The following GABRB1 variants were observed in gnomAD, a reference collection of about 807,000 sequenced individuals.
GABRB1 encodes gamma-aminobutyric acid type A receptor subunit beta1.
Under a neutral mutation model 51.6 loss-of-function variants are expected in GABRB1, and 17 were observed. The observed-to-expected ratio is 0.33, with a 90% CI of 0.23 to 0.49. The LOEUF (loss-of-function observed/expected upper bound fraction) is 0.49. Ranked by LOEUF, GABRB1 falls within the 20% of genes least tolerant of loss-of-function variation. The probability of loss-of-function intolerance (pLI) is 0.99; values close to 1 mark genes in which losing one functional copy is unlikely to be tolerated. For missense variants in GABRB1, 410 were observed against 600.6 expected, an observed-to-expected ratio of 0.68 and a Z score of 3.32; for synonymous variants, 247 against 218.9, an observed-to-expected ratio of 1.13 and a Z score of -1.14.
chr4:47,054,408 C>CT (rs1309341986), intron 3 of GABRB1, among the ~76,000 whole-genome samples: 2 of 152,120 alleles, frequency 1.3e-5, no homozygotes, highest in Non-Finnish European at 2.9e-5. Context: ...AGACTCACTT[C>CT]TTTTTTTCAT....
chr4:47,041,423 C>T (rs995088868), intron 3 of GABRB1, among the ~76,000 whole-genome samples: 1 of 151,804 alleles, frequency 6.6e-6, no homozygotes, highest in African/African-American at 2.4e-5. Flanking sequence ...TAGAAGAGGG[C>T]CCTTAGGTAG....
rs147147090 is a variant in GABRB1 at position 47,199,458 on chromosome 4, T to C, written c.461+37989T>C. Among the ~76,000 whole-genome samples the C allele has an allele frequency of 2.8e-3, 424 of 152,246 alleles. 3 individuals are homozygous for C. Among genetic ancestry groups the C allele is most frequent in the African/African-American group, 9.2e-3 (381 of 41,560 alleles). On this transcript the variant is annotated intron_variant, in intron 4 of 8. Transcript: ENST00000295454. ...TGGGATTTTTCAGGAAAAATCCCTG[T>C]GTAGGAGCCTCTTGTCTAACAGAGT... is the stretch of plus-strand genomic sequence containing the variant.
intron 1 of GABRB1, among the ~76,000 whole-genome samples, chr4:47,011,303 TC>T (rs1724576233): frequency 6.6e-6 from 1 of 152,056 alleles, no homozygotes; most frequent in Non-Finnish European, 1.5e-5. Flanking sequence ...AGACCTGTGA[TC>T]CCACTCAGGA....
chr4:47,138,364 G>T (rs1716767140), intron 3 of GABRB1, among the ~76,000 whole-genome samples: 1 of 151,980 alleles, frequency 6.6e-6, no homozygotes, highest in Admixed American at 6.6e-5. Flanking sequence ...TATTTGTCCA[G>T]AACCCCTTGT....
At chr4:47,340,068 AAGAAAAC>A (rs1725829931) in intron 5 of GABRB1, among the ~76,000 whole-genome samples, 1 of 152,186 alleles carries the variant, frequency 6.6e-6, no homozygotes, top group African/African-American at 2.4e-5. Context: ...AGGTCTTGTC[AAGAAAAC>A]AGAAGAGTCA....
chr4:47,043,759 G>A (rs1413965208), intron 3 of GABRB1, among the ~76,000 whole-genome samples: 6 of 152,040 alleles, frequency 3.9e-5, no homozygotes, highest in Non-Finnish European at 7.4e-5. Flanking sequence ...CTGCAGAAGG[G>A]GGTTTCAGAA....
At chr4:47,177,838 G>A (rs1168727051) in intron 4 of GABRB1, among the ~76,000 whole-genome samples, 1 of 111,178 alleles carries the variant, frequency 9.0e-6, no homozygotes, top group Non-Finnish European at 1.9e-5. Flanking sequence ...TTTTTTTCAT[G>A]TTTCTGTTTG....
At chr4:47,150,602 TA>T in intron 3 of GABRB1, among the ~76,000 whole-genome samples, 1 of 146,834 alleles carries the variant, frequency 6.8e-6, no homozygotes, top group East Asian at 2.1e-4. Context: ...ATTACAGAAA[TA>T]AATATATACT....
At chr4:47,033,046 G>A (rs1023774319) in intron 3 of GABRB1, 4 of 271,312 alleles carry the variant, frequency 1.5e-5, no homozygotes, top group Admixed American at 4.5e-5. Context: ...TTTGCTAGTA[G>A]GAAAAGTGCC....
intron 3 of GABRB1, among the ~76,000 whole-genome samples, chr4:47,045,536 A>G (rs1008863169): frequency 2.0e-5 from 3 of 151,890 alleles, no homozygotes; most frequent in Non-Finnish European, 4.4e-5. Flanking sequence ...GAAAGCTTAT[A>G]AACAAGAGAC....
chr4:47,110,236 C>T lies in GABRB1; in HGVS notation c.241-51013C>T, dbSNP rs1715160333. Reference sequence around the variant, plus strand: ...TTACACAGACCATCATCCCATCTTCCATCTTCACTATGTTTTTCTTCAATG... The same window carrying T: ...TTACACAGACCATCATCCCATCTTCTATCTTCACTATGTTTTTCTTCAATG... On this transcript the variant is annotated intron_variant, in intron 3 of 8. Coordinates refer to ENST00000295454, the MANE Select transcript of GABRB1 (RefSeq NM_000812.4). Among the ~76,000 whole-genome samples, 3 of 151,964 alleles carry T rather than the reference C, an allele frequency of 2.0e-5. No homozygotes were observed. In the South Asian group the frequency reaches 6.2e-4, roughly 32 times the overall value.
intron 5 of GABRB1, among the ~76,000 whole-genome samples, chr4:47,362,353 G>A (rs1726838253): frequency 6.6e-6 from 1 of 152,110 alleles, no homozygotes; most frequent in Non-Finnish European, 1.5e-5. Flanking sequence ...ATGGATGAGG[G>A]AGAGTGAGTA....
chr4:47,299,827 C>A (rs1185601198), intron 4 of GABRB1, among the ~76,000 whole-genome samples: 2 of 151,930 alleles, frequency 1.3e-5, no homozygotes, highest in African/African-American at 2.4e-5. Context: ...ATAGCAAAGA[C>A]TTGGAACCAA....
At chr4:47,201,453 T>G (rs1256626466) in intron 4 of GABRB1, among the ~76,000 whole-genome samples, 1 of 152,164 alleles carries the variant, frequency 6.6e-6, no homozygotes, top group Non-Finnish European at 1.5e-5. Context: ...CACTTTTTAT[T>G]CTATAACCAG....
At chr4:47,035,778 T>C (rs58832969) in intron 3 of GABRB1, among the ~76,000 whole-genome samples, 77,992 of 152,010 alleles carry the variant, frequency 0.51, 20,052 homozygotes, top group Non-Finnish European at 0.53. Context: ...ATAAAGCCAG[T>C]AAAACACAGA....
intron 3 of GABRB1, among the ~76,000 whole-genome samples, chr4:47,160,048 A>C (rs1717870976): frequency 6.6e-6 from 1 of 152,102 alleles, no homozygotes; most frequent in Non-Finnish European, 1.5e-5. Context: ...CCTTGTATTA[A>C]TAGAGTTGTT....
At chr4:47,043,937 G>A (rs1190954199) in intron 3 of GABRB1, among the ~76,000 whole-genome samples, 1 of 152,090 alleles carries the variant, frequency 6.6e-6, no homozygotes, top group South Asian at 2.1e-4. Context: ...GAACAGGTTT[G>A]CTTATGGACA....
At chr4:47,124,753 G>A (rs1716035884) in intron 3 of GABRB1, among the ~76,000 whole-genome samples, 1 of 152,044 alleles carries the variant, frequency 6.6e-6, no homozygotes, top group South Asian at 2.1e-4. Context: ...CAGCAGACTT[G>A]ATTAAGCAGA....
At chr4:47,306,369 A>AAGAAGGTGCGGGGTAGAGAT (rs1213583113) in intron 4 of GABRB1, among the ~76,000 whole-genome samples, 8 of 150,838 alleles carry the variant, frequency 5.3e-5, no homozygotes, top group Non-Finnish European at 1.0e-4. Context: ...GAACAGTGAG[A>AAGAAGGTGCGGGGTAGAGAT]AGAAGGTGCG....
Sources: allele counts gnomAD v4.1 joint callset (sites outside exome capture counted in the v4.1 genomes callset), GRCh38; gene constraint gnomAD v4.1.1; transcripts MANE v1.5; gene names NCBI Gene and HGNC (gene_info 2026-07-23, HGNC 2026-07-21).